Variants in SND1 observed in about 807,000 individuals in gnomAD.
SND1 encodes staphylococcal nuclease and tudor domain containing 1.
A neutral mutation model predicts 121.7 loss-of-function variants in SND1; 38 were observed. The observed-to-expected ratio is 0.31, with a 90% CI of 0.24 to 0.41. The LOEUF is 0.41. SND1 is among the 10% of genes least tolerant of loss of function. The probability of loss-of-function intolerance (pLI) is 1.00; values close to 1 mark genes in which losing one functional copy is unlikely to be tolerated. For missense variants in SND1, 868 were observed against 1,184.6 expected, an observed-to-expected ratio of 0.73 and a Z score of 3.92; for synonymous variants, 401 against 447.4, an observed-to-expected ratio of 0.90 and a Z score of 1.31.
intron 21 of SND1, among the ~76,000 whole-genome samples, chr7:128,089,280 C>T (rs1449699311): frequency 6.6e-6 from 1 of 152,010 alleles, no homozygotes; most frequent in African/African-American, 2.4e-5. Context: ...TCGCCAACTC[C>T]TGGCCTCAAG....
At chr7:127,695,680 G>A (rs1425779833) in intron 3 of SND1, among the ~76,000 whole-genome samples, 1 of 152,118 alleles carries the variant, frequency 6.6e-6, no homozygotes, top group Non-Finnish European at 1.5e-5. Flanking sequence ...GGAAAAATTA[G>A]CCAGGCGTGG....
At chr7:127,878,171 G>C (rs1163582443) in intron 12 of SND1, among the ~76,000 whole-genome samples, 1 of 152,116 alleles carries the variant, frequency 6.6e-6, no homozygotes, top group East Asian at 1.9e-4. Context: ...GAGGAAGAAT[G>C]ATTAGGATTC....
At chr7:127,704,098 G>A (rs996950692) in intron 7 of SND1, among the ~76,000 whole-genome samples, 1 of 152,136 alleles carries the variant, frequency 6.6e-6, no homozygotes, top group Non-Finnish European at 1.5e-5. Context: ...TTATAGTTCC[G>A]ATTCTTGGAT....
At chr7:127,859,670 T>TA (rs1313516557) in intron 12 of SND1, among the ~76,000 whole-genome samples, 1 of 152,180 alleles carries the variant, frequency 6.6e-6, no homozygotes, top group East Asian at 1.9e-4. Flanking sequence ...CTGGAGCACT[T>TA]ACAAAAAATA....
At chr7:127,838,631 C>G (rs772038404) in intron 11 of SND1, among the ~76,000 whole-genome samples, 1 of 152,122 alleles carries the variant, frequency 6.6e-6, no homozygotes, top group Non-Finnish European at 1.5e-5. Flanking sequence ...GTGTATCATT[C>G]TTTAAAATAA....
intron 16 of SND1, among the ~76,000 whole-genome samples, chr7:128,060,116 A>G (rs1378435428): frequency 1.3e-5 from 2 of 152,198 alleles, no homozygotes; most frequent in Non-Finnish European, 2.9e-5. Flanking sequence ...AGCTATTTTC[A>G]TTATGTACTC....
In SND1 at chr7:128,015,391, G is replaced by A. The variant is rs983121643; in HGVS notation, c.1779+24335G>A. On this transcript the variant is annotated intron_variant, in intron 16 of 23. Transcript: ENST00000354725. This position sits in a 1 kb window ranked among gnomAD's most constrained non-coding sequence, Gnocchi z 4.5. ...AAAACACTTTCCAGCCTTCATCAGC[G>A]CTAATCTGTTTTTGAAAATGGCCTT... 6.6e-6 allele frequency among the ~76,000 whole-genome samples: 1 copy of A among 152,180 alleles called. No homozygotes were observed. Among genetic ancestry groups the A allele is most frequent in the East Asian group, 1.9e-4 (1 of 5,202 alleles).
intron 10 of SND1, among the ~76,000 whole-genome samples, chr7:127,723,503 G>A (rs1186292773): frequency 6.6e-6 from 1 of 152,134 alleles, no homozygotes; most frequent in Non-Finnish European, 1.5e-5. Context: ...GGAAGATGGA[G>A]GAATGATTTC....
chr7:128,088,375 C>G (rs899247921), intron 21 of SND1, among the ~76,000 whole-genome samples: 10 of 150,808 alleles, frequency 6.6e-5, no homozygotes, highest in Non-Finnish European at 1.5e-4. Context: ...GTGAGAGGAT[C>G]GCTCGAGCCC....
intron 11 of SND1, 66 bp from the exon 12 acceptor site, chr7:127,844,258 C>A: frequency 8.0e-7 from 1 of 1,256,956 alleles, no homozygotes; most frequent in Non-Finnish European, 1.1e-6. Flanking sequence ...TGAGCAGGCA[C>A]ATGTGGCTGC....
chr7:127,839,724 A>T (rs892424752), intron 11 of SND1, among the ~76,000 whole-genome samples: 2 of 152,198 alleles, frequency 1.3e-5, no homozygotes, highest in Non-Finnish European at 2.9e-5. Flanking sequence ...CTATAATCTA[A>T]TAGACGAAGG....
intron 10 of SND1, among the ~76,000 whole-genome samples, chr7:127,794,956 T>C (rs1797988703): frequency 6.6e-6 from 1 of 152,244 alleles, no homozygotes; most frequent in Non-Finnish European, 1.5e-5. Context: ...CTGGTTTCCA[T>C]TACCTTGAAA....
chr7:127,930,836 G>A (rs1800944149), intron 15 of SND1, among the ~76,000 whole-genome samples: 1 of 152,076 alleles, frequency 6.6e-6, no homozygotes, highest in African/African-American at 2.4e-5. Flanking sequence ...TCTTTTTATT[G>A]TGCTTCAGAT....
intron 16 of SND1, among the ~76,000 whole-genome samples, chr7:128,025,040 T>C (rs1413978966): frequency 6.6e-6 from 1 of 152,180 alleles, no homozygotes; most frequent in Non-Finnish European, 1.5e-5. Flanking sequence ...GCTGTCACCC[T>C]CTGTGGGATC....
rs933006348 is a variant in SND1, at chr7:127,904,159, T to C, written c.1455-588T>C. ...GCTGAGGTTGGCAGAGTCCCAGAGT[T>C]CCCTGTTAAATCCCCTCTTATTATA... is the stretch of plus-strand genomic sequence containing the variant. On this transcript the variant is annotated intron_variant, in intron 13 of 23. Coordinates refer to ENST00000354725, the MANE Select transcript of SND1 (RefSeq NM_014390.4). Among the ~76,000 whole-genome samples the C allele has an allele frequency of 4.6e-5, 7 of 152,206 alleles. 1 individual carries two copies. The highest frequency in any genetic ancestry group is 4.6e-4 in the Admixed American group (7 of 15,274).
intron 10 of SND1, among the ~76,000 whole-genome samples, chr7:127,777,940 G>C (rs914389212): frequency 2.0e-5 from 3 of 152,138 alleles, no homozygotes; most frequent in African/African-American, 7.2e-5. Flanking sequence ...AAGATGCTGT[G>C]TTTTTGTTGT....
chr7:127,917,624 T>C lies in SND1; in HGVS notation c.1528-11564T>C, dbSNP rs180789631. Among the ~76,000 whole-genome samples, 48 of 152,330 alleles carry C rather than the reference T, an allele frequency of 3.2e-4. 2 individuals carry two copies. The East Asian group carries it at 9.3e-3, about 29-fold the overall frequency. On this transcript the variant is annotated intron_variant, in intron 14 of 23. Coordinates refer to ENST00000354725, the MANE Select transcript of SND1 (RefSeq NM_014390.4). The stretch of plus-strand genomic sequence containing the variant: ...TATCCTATACTGATAGGATCTGCTA[T>C]GTTGCCAGAGCTGATTTAGAACTCC...
At chr7:128,091,592 T>C (rs572988883) in intron 22 of SND1, among the ~76,000 whole-genome samples, 1 of 152,104 alleles carries the variant, frequency 6.6e-6, no homozygotes, top group East Asian at 1.9e-4. Context: ...GTGGGAGAGG[T>C]AGCCAGGAGG....
chr7:127,891,998 C>T (rs1423156505), intron 13 of SND1, among the ~76,000 whole-genome samples: 2 of 152,124 alleles, frequency 1.3e-5, no homozygotes, highest in South Asian at 2.1e-4. Context: ...CTCTGTTCCT[C>T]CCTACCAGGG....
Sources: gnomAD v4.1 joint callset for allele counts (sites outside exome capture counted in the v4.1 genomes callset) on GRCh38, gnomAD v4.1.1 for gene constraint, Gnocchi (gnomAD v3.1) non-coding constraint, MANE v1.5 for transcripts, NCBI Gene and HGNC (gene_info 2026-07-23, HGNC 2026-07-21) for gene names.